Variants in COL22A1 observed in about 807,000 individuals in gnomAD.
COL22A1 encodes the protein collagen alpha-1(XXII) chain.
COL22A1 carries 221 observed loss-of-function variants against 248.9 expected under a neutral mutation model. The observed-to-expected ratio is 0.89, with a 90% CI of 0.80 to 0.99. The LOEUF is 0.99. Among genes scored for constraint, COL22A1 ranks in the 50% least tolerant of loss-of-function variants. COL22A1 has a pLI of 0.00. For synonymous variants in COL22A1, 891 were observed against 793.4 expected (o/e 1.12, Z -2.07); for missense variants, 2,240 against 2,179.0 (o/e 1.03, Z -0.56).
At chr8:138,768,891 A>G (rs1834127049) in intron 16 of COL22A1, among the ~76,000 whole-genome samples, 1 of 151,994 alleles carries the variant, frequency 6.6e-6, no homozygotes, top group South Asian at 2.1e-4. Context: ...GAGCCGAGAT[A>G]GTGCCATTGC....
At chr8:138,603,629 A>T (rs1000839698) in intron 59 of COL22A1, among the ~76,000 whole-genome samples, 2 of 152,112 alleles carry the variant, frequency 1.3e-5, no homozygotes, top group African/African-American at 4.8e-5. Flanking sequence ...GCCCTCAGAA[A>T]TGGGAGCTAC....
chr8:138,627,286 C>G (rs1184926467), intron 50 of COL22A1, among the ~76,000 whole-genome samples: 2 of 152,198 alleles, frequency 1.3e-5, no homozygotes, highest in Middle Eastern at 3.2e-3. Flanking sequence ...TGTGGAAACA[C>G]CAGTGATCTA....
intron 11 of COL22A1, among the ~76,000 whole-genome samples, chr8:138,797,240 T>C (rs955503631): frequency 2.6e-5 from 4 of 152,220 alleles, no homozygotes; most frequent in African/African-American, 9.6e-5. Context: ...CCATATCTAT[T>C]AGCAATGACT....
intron 12 of COL22A1, among the ~76,000 whole-genome samples, chr8:138,783,048 C>A (rs1815167680): frequency 6.6e-6 from 1 of 152,066 alleles, no homozygotes; most frequent in South Asian, 2.1e-4. Context: ...AGGGTCTAAT[C>A]CTGGGCCCTG....
chr8:138,909,038 T>C (rs1815233023), intron 1 of COL22A1, among the ~76,000 whole-genome samples: 1 of 152,192 alleles, frequency 6.6e-6, no homozygotes. Flanking sequence ...CTGCCTGTGA[T>C]AGACGTACTG....
intron 2 of COL22A1, among the ~76,000 whole-genome samples, chr8:138,878,798 G>C (rs1823951209): frequency 6.6e-6 from 1 of 152,066 alleles, no homozygotes; most frequent in African/African-American, 2.4e-5. Context: ...ACGAGGTCAG[G>C]AGATCGAGAC....
intron 3 of COL22A1, among the ~76,000 whole-genome samples, chr8:138,854,975 G>A (rs1054878503): frequency 2.0e-5 from 3 of 152,092 alleles, no homozygotes; most frequent in African/African-American, 7.2e-5. Context: ...GGTGATGGTG[G>A]GAGGGGAGGA....
chr8:138,729,338 T>A lies in COL22A1; in HGVS notation c.2140-3898A>T, dbSNP rs530659198. Among the ~76,000 whole-genome samples, 10 of 152,286 alleles carry A rather than the reference T, an allele frequency of 6.6e-5. No individual in the cohort carries two copies. In the South Asian group the frequency reaches 2.1e-3, roughly 32 times the overall value. ...GAGATCTCCTAAAAGACTCTGCATG[T>A]TAAGGGAGACTAGAACTTAGGGCTC... On this transcript the variant is annotated intron_variant, in intron 23 of 64. Transcript: ENST00000303045.
At chr8:138,880,510 T>C in intron 2 of COL22A1, among the ~76,000 whole-genome samples, 1 of 152,208 alleles carries the variant, frequency 6.6e-6, no homozygotes, top group East Asian at 1.9e-4. Flanking sequence ...AATAAAGTTA[T>C]ACGAATTTAC....
At chr8:138,696,186 C>T (rs761473432) in intron 32 of COL22A1, among the ~76,000 whole-genome samples, 1 of 152,120 alleles carries the variant, frequency 6.6e-6, no homozygotes, top group African/African-American at 2.4e-5. Flanking sequence ...AACCAGAGCA[C>T]GTGTACCCAG....
intron 23 of COL22A1, among the ~76,000 whole-genome samples, chr8:138,737,322 A>G (rs1025779861): frequency 7.2e-5 from 11 of 152,170 alleles, no homozygotes; most frequent in Non-Finnish European, 1.5e-4. Flanking sequence ...CCTTCAGGAT[A>G]GCCAACAATG....
rs544178664 is a variant in COL22A1, at chr8:138,785,556, G to A, written c.1597-4576C>T. Among the ~76,000 whole-genome samples, 11 of 152,300 alleles carry A rather than the reference G, an allele frequency of 7.2e-5. No individual in the cohort carries two copies. The South Asian group carries it at 1.5e-3, about 20-fold the overall frequency. The stretch of plus-strand genomic sequence containing the variant: ...GTTGGTCACCCACTTACGATGGCAC[G>A]CCCTCGAATGACCAGTCTGTCTTCT... On this transcript the variant is annotated intron_variant, in intron 12 of 64. Transcript: ENST00000303045.
intron 30 of COL22A1, among the ~76,000 whole-genome samples, chr8:138,706,900 T>C (rs1002302912): frequency 2.6e-5 from 4 of 151,572 alleles, no homozygotes; most frequent in Non-Finnish European, 5.9e-5. Flanking sequence ...GCAAGACTAA[T>C]AAAGAAGAGA....
intron 3 of COL22A1, among the ~76,000 whole-genome samples, chr8:138,863,617 G>A (rs891428001): frequency 1.8e-4 from 27 of 152,202 alleles, no homozygotes; most frequent in African/African-American, 6.5e-4. Flanking sequence ...CTGCCAGGAA[G>A]GAGGGGTGAG....
At chr8:138,890,861 G>GAA (rs559805886) in intron 1 of COL22A1, among the ~76,000 whole-genome samples, 2 of 139,918 alleles carry the variant, frequency 1.4e-5, no homozygotes, top group Non-Finnish European at 1.6e-5. Flanking sequence ...AAAATACAAA[G>GAA]AAAAAAAAAA....
intron 12 of COL22A1, among the ~76,000 whole-genome samples, chr8:138,795,316 C>T (rs1027159290): frequency 5.3e-5 from 8 of 152,124 alleles, no homozygotes; most frequent in African/African-American, 1.9e-4. Context: ...TTGTGCTACA[C>T]CCAAACTGCT....
chr8:138,598,931 T>C (rs758215085), intron 60 of COL22A1, 33 bp from the exon 61 acceptor site: 13 of 1,610,206 alleles, frequency 8.1e-6, no homozygotes, highest in South Asian at 2.2e-5. Context: ...AGCATGTGTC[T>C]CAGGGCTGGA....
intron 43 of COL22A1, 113 bp downstream of exon 43, chr8:138,661,917 C>A (rs1172227328): frequency 1.5e-6 from 1 of 660,264 alleles, no homozygotes. Context: ...AAATCCTCAA[C>A]CGGGCTACAA....
intron 41 of COL22A1, among the ~76,000 whole-genome samples, chr8:138,673,824 T>G (rs1288433825): frequency 6.6e-6 from 1 of 151,960 alleles, no homozygotes; most frequent in African/African-American, 2.4e-5. Context: ...TAGCTACAGG[T>G]GAATGATTGG....
Sources: allele counts gnomAD v4.1 joint callset (sites outside exome capture counted in the v4.1 genomes callset), GRCh38; gene constraint gnomAD v4.1.1; transcripts MANE v1.5; gene names NCBI Gene and HGNC (gene_info 2026-07-23, HGNC 2026-07-21).